Variants in SETD6 observed in about 807,000 individuals in gnomAD.
The protein encoded by SETD6 is SET domain containing 6, protein lysine methyltransferase.
In SETD6, 67 loss-of-function variants were observed where a neutral mutation model predicts 52.7. The observed-to-expected ratio is 1.27, with a 90% CI of 1.04 to 1.56. SETD6 has a LOEUF of 1.56. Ranked by LOEUF, SETD6 falls within the 40% of genes most tolerant of loss-of-function variation. The probability of loss-of-function intolerance (pLI) is 0.00; values close to 1 mark genes in which losing one functional copy is unlikely to be tolerated. For synonymous variants in SETD6, 307 were observed against 250.2 expected (o/e 1.23, Z -2.14); for missense variants, 712 against 607.5 (o/e 1.17, Z -1.81).
chr16:58,519,063 G>C lies in SETD6; in HGVS notation c.*34G>C. On this transcript the variant is annotated 3_prime_UTR_variant, in exon 8 of 8. Transcript: ENST00000219315. ...CTGTTCCCTGAAGGAACAGCAATAA[G>C]AACTTTATTCTAAGCTAATACTCAT... The C allele has an allele frequency of 6.4e-7, 1 of 1,563,416 alleles. No homozygotes were observed.
Position 58,519,261 on chromosome 16 carries a change from T to G in SETD6, c.*232T>G. 2.1e-6 allele frequency: 1 copy of G among 485,690 alleles called. No homozygotes were observed. The highest frequency in any genetic ancestry group is 3.6e-6 in the Non-Finnish European group (1 of 274,316). The allele number at this position is 485,690 out of a possible 1,614,324, so 30.1% of individuals were successfully genotyped here. On this transcript the variant is annotated 3_prime_UTR_variant, in exon 8 of 8. Transcript: ENST00000219315. Reference sequence around the variant, plus strand: ...ATTGTTACTTAAAGCATGTTACAGATGTTTTGTTCTCAGTTTTAACCAAAG... The same window carrying G: ...ATTGTTACTTAAAGCATGTTACAGAGGTTTTGTTCTCAGTTTTAACCAAAG...
In SETD6 at chr16:58,518,251, A is replaced by G. The variant is rs779632157; in HGVS notation, c.973+20A>G. On this transcript the variant is annotated intron_variant, in intron 6 of 7. Coordinates refer to ENST00000219315, the MANE Select transcript of SETD6 (RefSeq NM_001160305.4). Reference sequence around the variant, plus strand: ...TACAGGGTGAGTGTATCATTAACTCAATATTTGACACTGATGGTGTGTCTA... The same window carrying G: ...TACAGGGTGAGTGTATCATTAACTCGATATTTGACACTGATGGTGTGTCTA... The G allele has an allele frequency of 6.2e-7, 1 of 1,613,944 alleles. No homozygotes were observed. Among genetic ancestry groups the G allele is most frequent in the South Asian group, 1.1e-5 (1 of 91,078 alleles).
chr16:58,517,886 T>C, intron 5 of SETD6, 165 bp from the exon 6 acceptor site: 2 of 786,286 alleles, frequency 2.5e-6, no homozygotes, highest in Non-Finnish European at 4.0e-6. Context: ...AACCCTTTTT[T>C]GTTTCACAGT....
rs764735565 is a variant in SETD6, at chr16:58,519,304, G to A, written c.*275G>A. 2 of 369,060 alleles carry A rather than the reference G, an allele frequency of 5.4e-6. No homozygotes were observed. Among genetic ancestry groups the A allele is most frequent in the Non-Finnish European group, 9.8e-6 (2 of 203,652 alleles). The allele number at this position is 369,060 out of a possible 1,614,324, so 22.9% of individuals were successfully genotyped here. ...AACCAAAGCCAGTGGACATACGGTA[G>A]TAATAAGTAAGTCTTGTTGTGTTTC... On this transcript the variant is annotated 3_prime_UTR_variant, in exon 8 of 8. Transcript: ENST00000219315.
chr16:58,520,139 C>CCATT lies in SETD6; in HGVS notation c.*1117_*1120dup, dbSNP rs2039314380. 6.6e-6 allele frequency: 1 copy of CCATT among 152,200 alleles called. No homozygotes were observed. Among genetic ancestry groups the CCATT allele is most frequent in the South Asian group, 2.1e-4 (1 of 4,826 alleles). 9.4% of individuals were successfully genotyped at this position (152,200 alleles called of 1,614,324 possible). On this transcript the variant is annotated 3_prime_UTR_variant, in exon 8 of 8. Coordinates refer to ENST00000219315, the MANE Select transcript of SETD6 (RefSeq NM_001160305.4). ...TCATTATTCAGCTTAGCCTGTATGG[C>CCATT]CATTCATTCAGTGGGGTAATGGGGG...
intron 5 of SETD6, 25 bp downstream of exon 5, chr16:58,516,953 CTGAT>C: frequency 6.2e-7 from 1 of 1,614,062 alleles, no homozygotes; most frequent in South Asian, 1.1e-5. Flanking sequence ...TCTTGGTGCA[CTGAT>C]TGAGCATGAT....
At chr16:58,515,482 G>A (rs2039082308), upstream of SETD6, 7 of 1,544,516 alleles carry the variant, frequency 4.5e-6, no homozygotes, top group Non-Finnish European at 3.5e-6. Flanking sequence ...CGGGGCCAGA[G>A]ACGCCGGAAG....
In SETD6 at chr16:58,523,590, A is replaced by G; in HGVS notation, c.*4561A>G. The G allele has an allele frequency of 8.2e-7, 1 of 1,225,746 alleles. No homozygotes were observed. The highest frequency in any genetic ancestry group is 1.1e-6 in the Non-Finnish European group (1 of 880,586). 75.9% of individuals were successfully genotyped at this position (1,225,746 alleles called of 1,614,324 possible). A position where few individuals can be genotyped will look rare whatever the true frequency, so the allele number is the denominator to read the frequency against. On this transcript the variant is annotated 3_prime_UTR_variant, in exon 8 of 8. Coordinates refer to ENST00000219315, the MANE Select transcript of SETD6 (RefSeq NM_001160305.4). The stretch of plus-strand genomic sequence containing the variant: ...TAACTGGCTAGGGTTTGGGTTTCTG[A>G]CAGAGGCTTTCAAATTAATCTTTGG...
intron 5 of SETD6, 157 bp from the exon 6 acceptor site, chr16:58,517,890 TCACA>T: frequency 1.2e-6 from 1 of 829,650 alleles, no homozygotes; most frequent in Admixed American, 2.8e-5. Flanking sequence ...CTTTTTTGTT[TCACA>T]GTTTAGGGTC....
At chr16:58,517,196 C>T in intron 5 of SETD6, 1 of 460,316 alleles carries the variant, frequency 2.2e-6, no homozygotes, top group South Asian at 2.0e-5. Flanking sequence ...TGTTTCATTC[C>T]TTTCTGGCTG....
Position 58,520,288 on chromosome 16 carries a change from T to TAAAG in SETD6, c.*1261_*1264dup, listed in dbSNP as rs1053902193. ...AGGCCTGGTCTGGTTTCCCTTTATA[T>TAAAG]AAAGAGCTGACCCCCATCTCAGGCG... is the stretch of plus-strand genomic sequence containing the variant. On this transcript the variant is annotated 3_prime_UTR_variant, in exon 8 of 8. Transcript: ENST00000219315. The TAAAG allele has an allele frequency of 2.0e-5, 3 of 152,142 alleles. No individual in the cohort carries two copies. The highest frequency in any genetic ancestry group is 7.3e-5 in the African/African-American group (3 of 41,374). 9.4% of individuals were successfully genotyped at this position (152,142 alleles called of 1,614,324 possible). A position where few individuals can be genotyped will look rare whatever the true frequency, so the allele number is the denominator to read the frequency against.
chr16:58,515,745 G>A, intron 1 of SETD6, 46 bp from the exon 2 acceptor site: 2 of 1,423,732 alleles, frequency 1.4e-6, no homozygotes, highest in Non-Finnish European at 1.8e-6. Flanking sequence ...AGTTCCCAGC[G>A]GCCTCTCTGG....
Position 58,515,912 on chromosome 16 carries a change from G to A in SETD6, c.149G>A (p.Arg50His), listed in dbSNP as rs745927309. 1 of 1,501,546 alleles carries A rather than the reference G, an allele frequency of 6.7e-7. No individual in the cohort carries two copies. The highest frequency in any genetic ancestry group is 8.8e-7 in the Non-Finnish European group (1 of 1,134,062). The allele number at this position is 1,501,546 out of a possible 1,614,324, so 93.0% of individuals were successfully genotyped here. Residue 50 changes from arginine to histidine, a missense_variant, in exon 2 of 8, where the codon CGC becomes CAC. Coordinates refer to ENST00000219315, the MANE Select transcript of SETD6 (RefSeq NM_001160305.4). ...VSERAGGRRT[R>H]GGARAALTSP... ...GAGCGAGCCGGCGGGCGGAGGACCC[G>A]CGGCGGGGCGCGGGCTGCCCTGACC...
chr16:58,515,736 G>A, intron 1 of SETD6, 55 bp from the exon 2 acceptor site: 1 of 1,419,884 alleles, frequency 7.0e-7, no homozygotes. Flanking sequence ...GTCTCCTGCA[G>A]TTCCCAGCGG....
At chr16:58,516,150 G>GGGGCGGGGCGGGGCGGGCCC in intron 2 of SETD6, 52 bp from the exon 3 acceptor site, 1 of 1,282,226 alleles carries the variant, frequency 7.8e-7, no homozygotes, top group Non-Finnish European at 9.9e-7. Flanking sequence ...GGGGCGGGGC[G>GGGGCGGGGCGGGGCGGGCCC]GGCCCGGCCC....
rs2039454842 is a variant in SETD6, at chr16:58,522,933, A to G, written c.*3904A>G. 6.5e-6 allele frequency: 1 copy of G among 153,136 alleles called. No individual in the cohort carries two copies. The highest frequency in any genetic ancestry group is 2.4e-5 in the African/African-American group (1 of 41,474). The allele number at this position is 153,136 out of a possible 1,614,324, so 9.5% of individuals were successfully genotyped here. A position where few individuals can be genotyped will look rare whatever the true frequency, so the allele number is the denominator to read the frequency against. ...CACAATTGTATCCCACATTTAACAC[A>G]TTATTGGACATGTAAAAGATTTTCA... On this transcript the variant is annotated 3_prime_UTR_variant, in exon 8 of 8. Coordinates refer to ENST00000219315, the MANE Select transcript of SETD6 (RefSeq NM_001160305.4).
chr16:58,518,037 C>T lies in SETD6; in HGVS notation c.793-14C>T. On this transcript the variant is annotated splice_polypyrimidine_tract_variant and intron_variant, in intron 5 of 7. Coordinates refer to ENST00000219315, the MANE Select transcript of SETD6 (RefSeq NM_001160305.4). ...CGTGAAAGGCATGGCCCCAGCTTCTCCCTTTCACCTCAGAATTGTCTTCGG... is the reference window on the plus strand; with the variant it reads ...CGTGAAAGGCATGGCCCCAGCTTCTTCCTTTCACCTCAGAATTGTCTTCGG... 7.4e-6 allele frequency: 12 copies of T among 1,614,146 alleles called. No homozygotes were observed. The highest frequency in any genetic ancestry group is 1.0e-5 in the Non-Finnish European group (12 of 1,180,034).
chr16:58,516,596 C>T lies in SETD6; in HGVS notation c.595C>T (p.His199Tyr), dbSNP rs1458481467. The change falls in exon 4 of 8, where the codon CAC becomes TAC. Residue 199 changes from histidine (H) to tyrosine (Y), a missense_variant. By Grantham distance (83) the His-to-Tyr change is moderately conservative (BLOSUM62 2). Coordinates refer to ENST00000219315, the MANE Select transcript of SETD6 (RefSeq NM_001160305.4). Reference protein sequence around the residue: ...QSIVLPFMEAHPDLFSLRVRS... With the variant: ...QSIVLPFMEAYPDLFSLRVRS... ...CATCGTGCTGCCCTTCATGGAAGCC[C>T]ACCCCGATCTCTTCAGCCTCAGGGT... The T allele has an allele frequency of 1.2e-6, 2 of 1,614,022 alleles. No homozygotes were observed. The highest frequency in any genetic ancestry group is 2.7e-5 in the African/African-American group (2 of 74,924).
chr16:58,515,969 A>G lies in SETD6; in HGVS notation c.206A>G (p.Gln69Arg). Residue 69 changes from glutamine (Q) to arginine (R), a missense_variant, in exon 2 of 8, where the codon CAG becomes CGG. Gln to Arg is a conservative substitution (Grantham distance 43). Transcript: ENST00000219315. ...CCTGCTCAGGTGGCGGTCAGCCGGCAGGGCACGGTGGCCGGCTACGGCATG... is the reference window on the plus strand; with the variant it reads ...CCTGCTCAGGTGGCGGTCAGCCGGCGGGGCACGGTGGCCGGCTACGGCATG... ...SPPAQVAVSR[Q>R]GTVAGYGMVA... is the part of the protein sequence containing the mutation. The G allele has an allele frequency of 6.5e-7, 1 of 1,533,170 alleles. No homozygotes were observed. Among genetic ancestry groups the G allele is most frequent in the Non-Finnish European group, 8.7e-7 (1 of 1,149,510 alleles). The allele number at this position is 1,533,170 out of a possible 1,614,324, so 95.0% of individuals were successfully genotyped here. A position where few individuals can be genotyped will look rare whatever the true frequency, so the allele number is the denominator to read the frequency against.
Sources: allele counts gnomAD v4.1 joint callset, GRCh38; gene constraint gnomAD v4.1.1; transcripts MANE v1.5; gene names NCBI Gene and HGNC (gene_info 2026-07-23, HGNC 2026-07-21).